MBNL1: variants seen among roughly 807,000 people sequenced by gnomAD.
MBNL1 encodes the protein muscleblind like splicing regulator 1, also known as muscleblind-like protein 1.
Under a neutral mutation model 42.2 loss-of-function variants are expected in MBNL1, and 8 were observed. The observed-to-expected ratio is 0.19, with a 90% confidence interval of 0.11 to 0.34. The LOEUF (loss-of-function observed/expected upper bound fraction) is 0.34. MBNL1 is among the 10% of genes least tolerant of loss of function. The pLI is 1.00. For missense variants in MBNL1, 309 were observed against 495.3 expected, an observed-to-expected ratio of 0.62 and a Z score of 3.57; for synonymous variants, 169 against 173.9, an observed-to-expected ratio of 0.97 and a Z score of 0.22.
At chr3:152,363,449 T>A (rs184404137) in intron 2 of MBNL1, among the ~76,000 whole-genome samples, 265 of 152,294 alleles carry the variant, frequency 1.7e-3, no homozygotes, top group Admixed American at 4.2e-3. Flanking sequence ...TCCTTCTAGC[T>A]ATTATAGAAG....
intron 9 of MBNL1, 41 bp downstream of exon 9, chr3:152,459,386 GTTTTT>G (rs927905524): frequency 8.1e-7 from 1 of 1,227,692 alleles, no homozygotes; most frequent in Non-Finnish European, 1.1e-6. Context: ...ATTTGTGGTG[GTTTTT>G]TTTAAGATAG....
At chr3:152,318,009 G>A (rs2073308737) in intron 2 of MBNL1, among the ~76,000 whole-genome samples, 1 of 152,208 alleles carries the variant, frequency 6.6e-6, no homozygotes, top group Non-Finnish European at 1.5e-5. Flanking sequence ...AAGACTGCAA[G>A]TACTGTTGCT....
intron 1 of MBNL1, among the ~76,000 whole-genome samples, chr3:152,285,396 G>A (rs1460775557): frequency 6.6e-6 from 1 of 152,066 alleles, no homozygotes; most frequent in East Asian, 1.9e-4. Context: ...ATTTTAATGG[G>A]TCAGTCACTT....
At chr3:152,374,986 T>C (rs2096835539) in intron 2 of MBNL1, among the ~76,000 whole-genome samples, 1 of 152,184 alleles carries the variant, frequency 6.6e-6, no homozygotes, top group Admixed American at 6.5e-5. Context: ...TTATAAGAAG[T>C]TGAGGTTATT....
chr3:152,434,416 G>A (rs927297695), intron 4 of MBNL1, among the ~76,000 whole-genome samples: 4 of 152,124 alleles, frequency 2.6e-5, no homozygotes, highest in African/African-American at 9.7e-5. Context: ...AGTATTCCAT[G>A]GTGTATATGT....
At chr3:152,264,885 G>A (rs2036924408), upstream of MBNL1, 1 of 151,834 alleles carries the variant, frequency 6.6e-6, no homozygotes, top group Non-Finnish European at 1.5e-5. Context: ...CAATATACGT[G>A]TTATACATAC....
intron 1 of MBNL1, among the ~76,000 whole-genome samples, chr3:152,289,002 A>G (rs1016054254): frequency 6.6e-6 from 1 of 152,206 alleles, no homozygotes; most frequent in East Asian, 1.9e-4. Context: ...TACAGTGTAG[A>G]TAAAGTACAG....
intron 2 of MBNL1, among the ~76,000 whole-genome samples, chr3:152,336,538 A>G (rs2090333111): frequency 6.6e-6 from 1 of 152,224 alleles, no homozygotes; most frequent in African/African-American, 2.4e-5. Flanking sequence ...AAGATGAAAA[A>G]GTATTTTTAA....
At chr3:152,244,104 C>T (rs1170382032) in intron 1 of MBNL1, 1 of 152,224 alleles carries the variant, frequency 6.6e-6, no homozygotes, top group African/African-American at 2.4e-5. Context: ...CGTGCCAGGC[C>T]AACTATAGGT....
intron 5 of MBNL1, among the ~76,000 whole-genome samples, chr3:152,446,414 T>A (rs2153837619): frequency 6.6e-6 from 1 of 152,162 alleles, no homozygotes; most frequent in African/African-American, 2.4e-5. Context: ...GACTCTCTCC[T>A]CCTCTCTTCC....
chr3:152,461,718 A>T (rs1223946534), intron 9 of MBNL1, among the ~76,000 whole-genome samples: 7 of 152,222 alleles, frequency 4.6e-5, no homozygotes, highest in Non-Finnish European at 1.0e-4. Flanking sequence ...TAATATATGT[A>T]AATATTCGCT....
At chr3:152,395,691 G>A (rs2097899969) in intron 2 of MBNL1, among the ~76,000 whole-genome samples, 1 of 152,176 alleles carries the variant, frequency 6.6e-6, no homozygotes, top group Non-Finnish European at 1.5e-5. Context: ...GTATTTTAGA[G>A]TTCTTAACCT....
chr3:152,282,064 A>G lies in MBNL1; in HGVS notation c.-790+12972A>G, dbSNP rs192400791. ...GCTAAAAATGAAATAGAATAAATGTATGAAGCTAAGGGATCCATTCTCCAA... is the reference window on the plus strand; with the variant it reads ...GCTAAAAATGAAATAGAATAAATGTGTGAAGCTAAGGGATCCATTCTCCAA... On this transcript the variant is annotated intron_variant, in intron 1 of 9. Transcript: ENST00000324210. 3.3e-5 allele frequency among the ~76,000 whole-genome samples: 5 copies of G among 152,260 alleles called. No homozygotes were observed. The East Asian group carries it at 7.7e-4, about 23-fold the overall frequency.
chr3:152,247,324 A>C (rs2033302006), intron 2 of MBNL1, among the ~76,000 whole-genome samples: 1 of 152,074 alleles, frequency 6.6e-6, no homozygotes, highest in Non-Finnish European at 1.5e-5. Flanking sequence ...TGATTGCTAT[A>C]TTTGCATATT....
chr3:152,391,682 A>G (rs2097722123), intron 2 of MBNL1, among the ~76,000 whole-genome samples: 1 of 152,212 alleles, frequency 6.6e-6, no homozygotes, highest in Admixed American at 6.5e-5. Context: ...CATGTGAGAC[A>G]TTATTGTAGT....
At chr3:152,322,063 GA>G (rs1170763314) in intron 2 of MBNL1, among the ~76,000 whole-genome samples, 2 of 24,430 alleles carry the variant, frequency 8.2e-5, no homozygotes, top group Non-Finnish European at 1.2e-4. Flanking sequence ...AATGAAAACA[GA>G]GTTTTTTTAA....
intron 2 of MBNL1, among the ~76,000 whole-genome samples, chr3:152,311,184 T>C (rs1417020700): frequency 6.6e-6 from 1 of 151,900 alleles, no homozygotes; most frequent in African/African-American, 2.4e-5. Context: ...AATTTTTGTA[T>C]TTTTACTAGA....
intron 2 of MBNL1, among the ~76,000 whole-genome samples, chr3:152,364,193 C>T (rs1172709302): frequency 6.6e-6 from 1 of 152,022 alleles, no homozygotes; most frequent in Non-Finnish European, 1.5e-5. Flanking sequence ...ATAATCTCCA[C>T]CTGTTTCATA....
chr3:152,432,508 A>G (rs1193942319), intron 3 of MBNL1, among the ~76,000 whole-genome samples: 1 of 152,186 alleles, frequency 6.6e-6, no homozygotes, highest in Non-Finnish European at 1.5e-5. Flanking sequence ...TATTTTACTT[A>G]TTATATTTTA....
Sources: allele counts gnomAD v4.1 joint callset (sites outside exome capture counted in the v4.1 genomes callset), GRCh38; gene constraint gnomAD v4.1.1; transcripts MANE v1.5; gene names NCBI Gene and HGNC (gene_info 2026-07-23, HGNC 2026-07-21).